EPB41L4B: variants seen among roughly 807,000 people sequenced by gnomAD.
The protein encoded by EPB41L4B is erythrocyte membrane protein band 4.1 like 4B.
A neutral mutation model predicts 112.5 loss-of-function variants in EPB41L4B; 30 were observed. The ratio of observed to expected loss-of-function variants is 0.27; its 90% CI spans 0.20 to 0.36. The LOEUF is 0.36. Among genes scored for constraint, EPB41L4B ranks in the 10% least tolerant of loss-of-function variants. The pLI is 1.00. For missense variants in EPB41L4B, 1,024 were observed against 1,133.3 expected (o/e 0.90, Z 1.38); for synonymous variants, 408 against 439.7 (o/e 0.93, Z 0.90).
At chr9:109,179,815 A>C (rs542937916) in intron 24 of EPB41L4B, among the ~76,000 whole-genome samples, 2 of 151,988 alleles carry the variant, frequency 1.3e-5, no homozygotes, top group South Asian at 4.2e-4. Context: ...CACCAGCAAA[A>C]CCACTGTGGG....
intron 22 of EPB41L4B, 50 bp downstream of exon 22, chr9:109,192,228 T>G: frequency 6.9e-7 from 1 of 1,447,190 alleles, no homozygotes; most frequent in Non-Finnish European, 9.5e-7. Flanking sequence ...ACTGCCAAGA[T>G]GTTTCTATGG....
intron 19 of EPB41L4B, 80 bp downstream of exon 19, chr9:109,203,583 G>T: frequency 8.8e-7 from 1 of 1,131,452 alleles, no homozygotes; most frequent in Non-Finnish European, 1.3e-6. Context: ...ATCAGCTAAT[G>T]CCCTCGTGAG....
At chr9:109,184,199 T>A (rs904430434) in intron 23 of EPB41L4B, among the ~76,000 whole-genome samples, 1 of 152,218 alleles carries the variant, frequency 6.6e-6, no homozygotes, top group African/African-American at 2.4e-5. Context: ...CAGATCATCA[T>A]GAAGCAGAAA....
chr9:109,201,348 G>C (rs1040197672), intron 19 of EPB41L4B, among the ~76,000 whole-genome samples: 1 of 151,358 alleles, frequency 6.6e-6, no homozygotes, highest in African/African-American at 2.4e-5. Flanking sequence ...TACTCAAGAG[G>C]CTGAGGTGGG....
At chr9:109,309,705 G>A (rs1487209910) in intron 1 of EPB41L4B, among the ~76,000 whole-genome samples, 1 of 151,738 alleles carries the variant, frequency 6.6e-6, no homozygotes, top group Non-Finnish European at 1.5e-5. Flanking sequence ...TCTGAGAATG[G>A]CCTAGGCAAC....
At chr9:109,226,755 AATATAT>A (rs34926347) in intron 15 of EPB41L4B, among the ~76,000 whole-genome samples, 1,918 of 137,486 alleles carry the variant, frequency 0.014, 55 homozygotes, top group African/African-American at 0.049. Flanking sequence ...ATATATGAAG[AATATAT>A]ATATATGAAT....
At chr9:109,234,100 TAAA>T (rs11309784) in intron 15 of EPB41L4B, among the ~76,000 whole-genome samples, 1 of 145,480 alleles carries the variant, frequency 6.9e-6, no homozygotes, top group Non-Finnish European at 1.5e-5. Flanking sequence ...CAGACTAAGT[TAAA>T]AAAAAAAAAA....
At position 109,216,571 on chromosome 9, in the gene EPB41L4B, G is replaced by C. The variant is rs866243924; in HGVS notation, c.1633+351C>G. Among the ~76,000 whole-genome samples the C allele has an allele frequency of 1.5e-3, 227 of 151,472 alleles. 2 individuals are homozygous for C. Among genetic ancestry groups the C allele is most frequent in the Non-Finnish European group, 3.1e-4 (21 of 67,900 alleles). The stretch of plus-strand genomic sequence containing the variant: ...CAGGAGAATTGCTCGGACCTGGGAG[G>C]GGGAGGGTGCAATGAGCCGAGATCA... On this transcript the variant is annotated intron_variant, in intron 16 of 25. Coordinates refer to ENST00000374566, the MANE Select transcript of EPB41L4B (RefSeq NM_019114.5).
rs997401239 is a variant in EPB41L4B at position 109,297,207 on chromosome 9, G to A, written c.307-17286C>T. ...AGAAGAGGCAGCTGGGGGGGTGGGG[G>A]GGGATCTGCCAGCCAAGGAGAGAGG... is the stretch of plus-strand genomic sequence containing the variant. On this transcript the variant is annotated intron_variant, in intron 1 of 25. Transcript: ENST00000374566. Among the ~76,000 whole-genome samples, 31 of 140,200 alleles carry A rather than the reference G, an allele frequency of 2.2e-4. 2 individuals are homozygous for A. Among genetic ancestry groups the A allele is most frequent in the African/African-American group, 7.5e-4 (29 of 38,906 alleles). The allele number at this position is 140,200 out of a possible 152,430, so 92.0% of individuals were successfully genotyped here.
intron 2 of EPB41L4B, among the ~76,000 whole-genome samples, chr9:109,272,384 C>A (rs1241903427): frequency 1.3e-5 from 2 of 152,144 alleles, no homozygotes; most frequent in East Asian, 3.8e-4. Context: ...ATCACTTGAG[C>A]CCAGGAGATC....
intron 14 of EPB41L4B, among the ~76,000 whole-genome samples, chr9:109,246,153 G>A (rs1267929327): frequency 3.3e-5 from 5 of 152,200 alleles, no homozygotes; most frequent in Non-Finnish European, 7.3e-5. Context: ...TGTAAACCCA[G>A]CACTTTGGGA....
intron 2 of EPB41L4B, among the ~76,000 whole-genome samples, chr9:109,276,086 ATATAT>A (rs1043801111): frequency 1.6e-4 from 24 of 148,152 alleles, no homozygotes; most frequent in Non-Finnish European, 3.1e-4. Context: ...ATATATACAT[ATATAT>A]TATATATGTG....
At chr9:109,182,534 T>A (rs1832103175) in intron 24 of EPB41L4B, among the ~76,000 whole-genome samples, 195 bp downstream of exon 24, 1 of 152,224 alleles carries the variant, frequency 6.6e-6, no homozygotes, top group Non-Finnish European at 1.5e-5. Context: ...ATTGTCACTT[T>A]AAAATGGTTA....
At chr9:109,217,939 C>T (rs1363236892) in intron 15 of EPB41L4B, among the ~76,000 whole-genome samples, 1 of 151,612 alleles carries the variant, frequency 6.6e-6, no homozygotes, top group Admixed American at 6.6e-5. Context: ...ACTAGGATTG[C>T]CCCATTTGAA....
rs1215989260 is a variant in EPB41L4B, at chr9:109,172,998, G to A, written c.*1556C>T. The A allele has an allele frequency of 1.3e-5, 2 of 152,452 alleles. No individual in the cohort carries two copies. Among genetic ancestry groups the A allele is most frequent in the Admixed American group, 1.3e-4 (2 of 15,262 alleles). 9.4% of individuals were successfully genotyped at this position (152,452 alleles called of 1,614,324 possible). A position where few individuals can be genotyped will look rare whatever the true frequency, so the allele number is the denominator to read the frequency against. ...CTCTTAACAAGTGGTCATAAGAAATGAATGAACATTTTACACACAAGGAAA... is the reference window on the plus strand; with the variant it reads ...CTCTTAACAAGTGGTCATAAGAAATAAATGAACATTTTACACACAAGGAAA... On this transcript the variant is annotated 3_prime_UTR_variant, in exon 26 of 26. Coordinates refer to ENST00000374566, the MANE Select transcript of EPB41L4B (RefSeq NM_019114.5).
intron 1 of EPB41L4B, among the ~76,000 whole-genome samples, chr9:109,306,764 CAAA>C (rs750595596): frequency 6.6e-6 from 1 of 152,162 alleles, no homozygotes; most frequent in Non-Finnish European, 1.5e-5. Context: ...CAGTAAACAT[CAAA>C]AACCACTGTT....
chr9:109,318,716 T>C (rs1837727782), intron 1 of EPB41L4B, among the ~76,000 whole-genome samples: 2 of 152,130 alleles, frequency 1.3e-5, no homozygotes. Flanking sequence ...AACAGTAACA[T>C]TTTTATGCTA....
intron 1 of EPB41L4B, among the ~76,000 whole-genome samples, chr9:109,319,880 G>A (rs527386239): frequency 2.6e-5 from 4 of 152,294 alleles, no homozygotes; most frequent in Admixed American, 2.0e-4. Flanking sequence ...AGGCCCCAAG[G>A]ACTAGGTGGG....
chr9:109,195,704 T>A (rs1832617811), intron 20 of EPB41L4B, among the ~76,000 whole-genome samples: 1 of 152,230 alleles, frequency 6.6e-6, no homozygotes, highest in South Asian at 2.1e-4. Context: ...TCTTTTTACC[T>A]CATTTAAAAA....
Sources: gnomAD v4.1 joint callset for allele counts (sites outside exome capture counted in the v4.1 genomes callset) on GRCh38, gnomAD v4.1.1 for gene constraint, MANE v1.5 for transcripts, NCBI Gene and HGNC (gene_info 2026-07-23, HGNC 2026-07-21) for gene names.